The following PCDHA13 variants were observed in gnomAD, a reference collection of about 807,000 sequenced individuals.
PCDHA13 encodes the protein protocadherin alpha 13, also known as protocadherin alpha-13.
In PCDHA13, 54 loss-of-function variants were observed where a neutral mutation model predicts 64.8. The ratio of observed to expected loss-of-function variants is 0.83; its 90% CI spans 0.67 to 1.04. PCDHA13 has a LOEUF of 1.04. Ranked by LOEUF, PCDHA13 falls within the 50% of genes least tolerant of loss-of-function variation. PCDHA13 has a pLI of 0.00. For synonymous variants in PCDHA13, 587 were observed against 564.4 expected (o/e 1.04, Z -0.57); for missense variants, 1,248 against 1,254.3 (o/e 0.99, Z 0.08).
intron 3 of PCDHA13, among the ~76,000 whole-genome samples, chr5:140,999,452 G>A (rs141442204): frequency 6.4e-4 from 97 of 152,234 alleles, no homozygotes; most frequent in African/African-American, 2.1e-3. Flanking sequence ...TTCGTTCAAC[G>A]AATAAGTGGT....
At position 141,010,264 on chromosome 5, in the gene PCDHA13, G is replaced by A. The variant is rs1265692233; in HGVS notation, c.*327G>A. On this transcript the variant is annotated 3_prime_UTR_variant, in exon 4 of 4. Transcript: ENST00000289272. ...GGTTGGACTCTCTGCCCTGTGCTCC[G>A]GGGATCCTGTCTTGATGACACTTGC... The A allele has an allele frequency of 1.4e-5, 22 of 1,551,586 alleles. No individual in the cohort carries two copies. The highest frequency in any genetic ancestry group is 1.1e-4 in the South Asian group (9 of 84,060).
chr5:141,000,399 A>C (rs77386673), intron 3 of PCDHA13, among the ~76,000 whole-genome samples: 2,158 of 66,344 alleles, frequency 0.033, 38 homozygotes, highest in Non-Finnish European at 0.044. Context: ...CTCTCTCTAT[A>C]TATATATATA....
chr5:140,930,892 TTTAAC>T, intron 1 of PCDHA13, among the ~76,000 whole-genome samples: 1 of 152,332 alleles, frequency 6.6e-6, no homozygotes, highest in African/African-American at 2.4e-5. Context: ...AGGGAAAAAC[TTTAAC>T]TTACTTTTCT....
At position 140,884,491 on chromosome 5, in the gene PCDHA13, C is replaced by G; in HGVS notation, c.2223C>G (p.Cys741Trp). Residue 741 changes from cysteine to tryptophan, a missense_variant, in exon 1 of 4, where the codon TGC becomes TGG. Cys to Trp is a radical substitution (Grantham distance 215). Coordinates refer to ENST00000289272, the MANE Select transcript of PCDHA13 (RefSeq NM_018904.3). Reference protein sequence around the residue: ...ACAPGKPTLVCSSAAGSWSYS... With the variant: ...ACAPGKPTLVWSSAAGSWSYS... Reference sequence around the variant, plus strand: ...CGCCGGGCAAGCCCACTCTAGTGTGCTCCAGCGCGGCAGGGAGTTGGTCGT... The same window carrying G: ...CGCCGGGCAAGCCCACTCTAGTGTGGTCCAGCGCGGCAGGGAGTTGGTCGT... 1 of 1,614,052 alleles carries G rather than the reference C, an allele frequency of 6.2e-7. No homozygotes were observed. The highest frequency in any genetic ancestry group is 2.2e-5 in the East Asian group (1 of 44,872).
Position 140,884,247 on chromosome 5 carries a change from C to T in PCDHA13, c.1979C>T (p.Thr660Met). ...AAGGACCACGGTGAGCCCGCGCTGA[C>T]GGCCACGGCAACGGTGCTGTTGTCG... Reference protein sequence around the residue: ...LVKDHGEPALTATATVLLSLV... With the variant: ...LVKDHGEPALMATATVLLSLV... The change falls in exon 1 of 4, where the codon ACG becomes ATG. Residue 660 changes from threonine to methionine, a missense_variant. By Grantham distance (81) the Thr-to-Met change is moderately conservative. Coordinates refer to ENST00000289272, the MANE Select transcript of PCDHA13 (RefSeq NM_018904.3). 6.2e-7 allele frequency: 1 copy of T among 1,613,398 alleles called. No individual in the cohort carries two copies.
chr5:140,967,217 C>T, intron 1 of PCDHA13: 1 of 1,613,682 alleles, frequency 6.2e-7, no homozygotes, highest in Non-Finnish European at 8.5e-7. Flanking sequence ...TTTCCCGCGG[C>T]CCAACTACCA....
In PCDHA13 at chr5:140,882,450, C is replaced by A. The variant is rs781827745; in HGVS notation, c.182C>A (p.Pro61Gln). The change falls in exon 1 of 4, where the codon CCG becomes CAG. Residue 61 changes from proline to glutamine, a missense_variant. Transcript: ENST00000289272. ...GGGCTGGAGCTGGCGGAGCTGGTGC[C>A]GCGCCTGTTCCGGGTGGCGTCCAAA... ...DLGLELAELV[P>Q]RLFRVASKRH... The A allele has an allele frequency of 1.7e-5, 28 of 1,613,872 alleles. No individual in the cohort carries two copies. In the East Asian group the frequency reaches 4.5e-4, roughly 26 times the overall value.
chr5:140,977,325 G>A (rs1277032974), intron 1 of PCDHA13, among the ~76,000 whole-genome samples: 1 of 152,210 alleles, frequency 6.6e-6, no homozygotes, highest in African/African-American at 2.4e-5. Context: ...TCCTGATGGC[G>A]AGGGGAGAGA....
At chr5:140,922,865 G>A (rs1554201014) in intron 1 of PCDHA13, among the ~76,000 whole-genome samples, 1 of 152,062 alleles carries the variant, frequency 6.6e-6, no homozygotes, top group Non-Finnish European at 1.5e-5. Flanking sequence ...ATAGACAAGG[G>A]GAAAAAATCC....
intron 3 of PCDHA13, among the ~76,000 whole-genome samples, chr5:140,996,539 A>G (rs1023035245): frequency 2.6e-5 from 4 of 152,170 alleles, no homozygotes; most frequent in South Asian, 4.1e-4. Flanking sequence ...GTGTTTTGAT[A>G]TTATGCTGTC....
chr5:140,983,221 A>G (rs1178098444), intron 3 of PCDHA13, among the ~76,000 whole-genome samples: 1 of 152,196 alleles, frequency 6.6e-6, no homozygotes, highest in Non-Finnish European at 1.5e-5. Context: ...TCCTAATCCA[A>G]ACTTTCAGGA....
At chr5:140,960,762 A>G (rs1164322988) in intron 1 of PCDHA13, among the ~76,000 whole-genome samples, 5 of 152,214 alleles carry the variant, frequency 3.3e-5, no homozygotes, top group Non-Finnish European at 7.3e-5. Flanking sequence ...CCCAAGAGTT[A>G]CAGAGGAGAA....
At chr5:140,974,108 C>G (rs977903039) in intron 1 of PCDHA13, among the ~76,000 whole-genome samples, 1 of 152,182 alleles carries the variant, frequency 6.6e-6, no homozygotes, top group Non-Finnish European at 1.5e-5. Flanking sequence ...TAAAAGTATT[C>G]TTTTGCAGTG....
chr5:140,933,938 T>C (rs1275274532), intron 1 of PCDHA13, among the ~76,000 whole-genome samples: 1 of 152,108 alleles, frequency 6.6e-6, no homozygotes, highest in Non-Finnish European at 1.5e-5. Context: ...TGACTTTTTT[T>C]CACATCTGCA....
intron 1 of PCDHA13, among the ~76,000 whole-genome samples, chr5:140,887,995 G>A (rs537858803): frequency 8.5e-5 from 13 of 152,066 alleles, no homozygotes; most frequent in South Asian, 6.2e-4. Context: ...TGTCTCCACC[G>A]AATAGTCATC....
At chr5:140,892,588 T>C (rs751167275) in intron 1 of PCDHA13, among the ~76,000 whole-genome samples, 12 of 152,204 alleles carry the variant, frequency 7.9e-5, no homozygotes, top group Non-Finnish European at 1.8e-4. Flanking sequence ...TCAGTATTCA[T>C]TCACCTATTT....
intron 3 of PCDHA13, among the ~76,000 whole-genome samples, chr5:141,009,094 C>T (rs1350235475): frequency 6.6e-6 from 1 of 152,176 alleles, no homozygotes; most frequent in Non-Finnish European, 1.5e-5. Flanking sequence ...AAGAACCAAA[C>T]ATATGTTACT....
intron 1 of PCDHA13, among the ~76,000 whole-genome samples, chr5:140,973,426 C>T (rs1554235288): frequency 6.6e-6 from 1 of 152,192 alleles, no homozygotes; most frequent in East Asian, 1.9e-4. Flanking sequence ...GTTTTTCATC[C>T]TCTGATGGTC....
chr5:140,898,579 T>A (rs1471026172), intron 1 of PCDHA13, among the ~76,000 whole-genome samples: 1 of 152,222 alleles, frequency 6.6e-6, no homozygotes, highest in African/African-American at 2.4e-5. Flanking sequence ...GCCATGCTGT[T>A]TTGGTTACTG....
Sources: gnomAD v4.1 joint callset for allele counts (sites outside exome capture counted in the v4.1 genomes callset) on GRCh38, gnomAD v4.1.1 for gene constraint, MANE v1.5 for transcripts, NCBI Gene and HGNC (gene_info 2026-07-23, HGNC 2026-07-21) for gene names.